The following STRIP2 variants were observed in gnomAD, a reference collection of about 807,000 sequenced individuals.
STRIP2 encodes striatin interacting protein 2.
A neutral mutation model predicts 107.1 loss-of-function variants in STRIP2; 84 were observed. That is an observed-to-expected ratio of 0.78 (90% confidence interval 0.66 to 0.94). STRIP2 has a LOEUF of 0.94. Ranked by LOEUF, STRIP2 falls within the 40% of genes least tolerant of loss-of-function variation. The pLI, the probability that STRIP2 is intolerant of heterozygous loss-of-function variation, is 0.00. For synonymous variants in STRIP2, 394 were observed against 400.4 expected, an observed-to-expected ratio of 0.98 and a Z score of 0.19; for missense variants, 888 against 1,034.2, an observed-to-expected ratio of 0.86 and a Z score of 1.94.
Position 129,470,639 on chromosome 7 carries a change from C to G in STRIP2, c.1878-10C>G. 1 of 1,612,416 alleles carries G rather than the reference C, an allele frequency of 6.2e-7. No individual in the cohort carries two copies. Among genetic ancestry groups the G allele is most frequent in the Non-Finnish European group, 8.5e-7 (1 of 1,178,436 alleles). On this transcript the variant is annotated splice_polypyrimidine_tract_variant and intron_variant, in intron 17 of 20. Coordinates refer to ENST00000249344, the MANE Select transcript of STRIP2 (RefSeq NM_020704.3). ...TACCTAAAGCCTGTCCTTATCTCTG[C>G]ATCTTACAGCATCTCAGTCCTGGAT...
chr7:129,475,597 G>C (rs1462944361), intron 18 of STRIP2, among the ~76,000 whole-genome samples: 1 of 135,360 alleles, frequency 7.4e-6, no homozygotes, highest in African/African-American at 2.9e-5. Context: ...GATCATTCTT[G>C]GGTGTTTCTC....
chr7:129,445,697 C>T lies in STRIP2; in HGVS notation c.274+1599C>T, dbSNP rs1286847665. On this transcript the variant is annotated intron_variant, in intron 3 of 20. Transcript: ENST00000249344. Reference sequence around the variant, plus strand: ...TCAAAAGGCCATTTCACCGTTCTATCAATCCAGCTGCTTCAGGATGATGGG... The same window carrying T: ...TCAAAAGGCCATTTCACCGTTCTATTAATCCAGCTGCTTCAGGATGATGGG... 2.0e-5 allele frequency among the ~76,000 whole-genome samples: 3 copies of T among 152,286 alleles called. No homozygotes were observed. The South Asian group carries it at 6.2e-4, about 32-fold the overall frequency.
chr7:129,468,192 A>G (rs947476798), intron 17 of STRIP2, among the ~76,000 whole-genome samples: 1 of 152,216 alleles, frequency 6.6e-6, no homozygotes, highest in Non-Finnish European at 1.5e-5. Context: ...AAATATGTTA[A>G]TCAGTAGAGT....
intron 3 of STRIP2, among the ~76,000 whole-genome samples, chr7:129,448,085 G>A (rs951121400): frequency 2.0e-5 from 3 of 152,208 alleles, no homozygotes; most frequent in Non-Finnish European, 2.9e-5. Context: ...GGGAGCCACT[G>A]TGGGGGTTCT....
intron 2 of STRIP2, 58 bp downstream of exon 2, chr7:129,440,149 G>C: frequency 2.1e-5 from 28 of 1,364,156 alleles, no homozygotes; most frequent in Non-Finnish European, 2.7e-5. Flanking sequence ...GAGGGAAGGG[G>C]CCTGTGATCT....
chr7:129,457,421 C>T (rs1266154157), intron 9 of STRIP2, among the ~76,000 whole-genome samples: 1 of 152,150 alleles, frequency 6.6e-6, no homozygotes, highest in Non-Finnish European at 1.5e-5. Context: ...CATATGCAGT[C>T]CATTGTTGAC....
Position 129,456,457 on chromosome 7 carries a change from G to A in STRIP2, c.853G>A (p.Glu285Lys). ...TCCTTAGTTTACCCTCGGTGGATTT[G>A]AGCATCTGCAGACTCTCAAAGTACA... ...KVVMFTLGGF[E>K]HLQTLKVQKR... Residue 285 changes from glutamate (E) to lysine (K), a missense_variant, in exon 9 of 21, where the codon GAG becomes AAG. Physicochemically the swap from Glu to Lys is moderately conservative, Grantham distance 56. Transcript: ENST00000249344. 1.2e-6 allele frequency: 2 copies of A among 1,613,632 alleles called. No homozygotes were observed. Among genetic ancestry groups the A allele is most frequent in the South Asian group, 2.2e-5 (2 of 91,030 alleles).
chr7:129,470,783 T>C, intron 18 of STRIP2, 68 bp downstream of exon 18: 3 of 1,341,004 alleles, frequency 2.2e-6, no homozygotes, highest in South Asian at 2.4e-5. Context: ...TGCTCTTTCA[T>C]TTCTTCTCCA....
intron 2 of STRIP2, 57 bp downstream of exon 2, chr7:129,440,148 G>A (rs1797858845): frequency 9.3e-6 from 13 of 1,395,054 alleles, no homozygotes; most frequent in African/African-American, 1.4e-5. Flanking sequence ...AGAGGGAAGG[G>A]GCCTGTGATC....
intron 3 of STRIP2, among the ~76,000 whole-genome samples, chr7:129,449,599 G>A (rs376482045): frequency 6.6e-6 from 1 of 152,150 alleles, no homozygotes; most frequent in East Asian, 1.9e-4. Context: ...GTTCATCAGA[G>A]TTTACAAACT....
In STRIP2 at chr7:129,456,443, C is replaced by T. The variant is rs746153646; in HGVS notation, c.839C>T (p.Thr280Ile). The T allele has an allele frequency of 4.3e-6, 7 of 1,613,800 alleles. No homozygotes were observed. Among genetic ancestry groups the T allele is most frequent in the Non-Finnish European group, 5.9e-6 (7 of 1,179,936 alleles). The change falls in exon 9 of 21, where the codon ACC (threonine) becomes ATC (isoleucine). Residue 280 changes from threonine to isoleucine, a missense_variant. By Grantham distance (89) the Thr-to-Ile change is moderately conservative. Transcript: ENST00000249344. Reference protein sequence around the residue: ...LLLLWKVVMFTLGGFEHLQTL... With the variant: ...LLLLWKVVMFILGGFEHLQTL... ...CCTTTCCTGTTTCTTCCTTAGTTTA[C>T]CCTCGGTGGATTTGAGCATCTGCAG...
intron 16 of STRIP2, among the ~76,000 whole-genome samples, chr7:129,466,255 T>A (rs1410147691): frequency 1.3e-5 from 2 of 152,176 alleles, no homozygotes; most frequent in Non-Finnish European, 2.9e-5. Flanking sequence ...AAAAAAGTTT[T>A]CCATCAGATG....
chr7:129,455,127 T>G (rs1263420520), intron 7 of STRIP2, 117 bp from the exon 8 acceptor site: 1 of 1,273,080 alleles, frequency 7.9e-7, no homozygotes, highest in African/African-American at 1.5e-5. Flanking sequence ...CCAAGTACTC[T>G]GGTATTCTTC....
intron 18 of STRIP2, among the ~76,000 whole-genome samples, chr7:129,472,804 T>TTTTTTTG (rs1562914059): frequency 7.3e-6 from 1 of 136,698 alleles, no homozygotes; most frequent in Non-Finnish European, 1.6e-5. Flanking sequence ...TTTTTTTTTT[T>TTTTTTTG]GAGACAGAGT....
intron 3 of STRIP2, among the ~76,000 whole-genome samples, chr7:129,449,665 G>T (rs1798129852): frequency 6.6e-6 from 1 of 152,112 alleles, no homozygotes; most frequent in Non-Finnish European, 1.5e-5. Context: ...AAGTTTCAGG[G>T]TCCCATTCTT....
At chr7:129,445,381 G>C (rs1000525758) in intron 3 of STRIP2, among the ~76,000 whole-genome samples, 8 of 152,094 alleles carry the variant, frequency 5.3e-5, no homozygotes, top group Admixed American at 5.2e-4. Flanking sequence ...CCAGTTTAAT[G>C]GAATCATTGT....
Position 129,446,929 on chromosome 7 carries a change from C to T in STRIP2, c.274+2831C>T, listed in dbSNP as rs553746877. Among the ~76,000 whole-genome samples the T allele has an allele frequency of 1.2e-3, 188 of 152,316 alleles. 1 individual carries two copies. The highest frequency in any genetic ancestry group is 1.9e-3 in the Non-Finnish European group (128 of 68,018). On this transcript the variant is annotated intron_variant, in intron 3 of 20. Transcript: ENST00000249344. ...GGTGACTTGATGACCCATAGTCAAA[C>T]GTTCAGTTTCCACCAAAGACCAGTA... is the stretch of plus-strand genomic sequence containing the variant.
chr7:129,444,322 C>T (rs186027924), intron 3 of STRIP2, among the ~76,000 whole-genome samples: 2 of 152,136 alleles, frequency 1.3e-5, no homozygotes, highest in Non-Finnish European at 2.9e-5. Flanking sequence ...AGGCTGTCTG[C>T]AAGCTGAGGA....
rs1252779227 is a variant in STRIP2 at position 129,485,871 on chromosome 7, C to T, written c.*42C>T. ...AAGCATCAATAGATAGAGGTCAGCT[C>T]CAATAAACTGTGCTCTGCCTACCCT... On this transcript the variant is annotated 3_prime_UTR_variant, in exon 21 of 21. Coordinates refer to ENST00000249344, the MANE Select transcript of STRIP2 (RefSeq NM_020704.3). 3 of 1,607,984 alleles carry T rather than the reference C, an allele frequency of 1.9e-6. No homozygotes were observed. The highest frequency in any genetic ancestry group is 2.5e-6 in the Non-Finnish European group (3 of 1,177,720).
Sources: gnomAD v4.1 joint callset for allele counts (sites outside exome capture counted in the v4.1 genomes callset) on GRCh38, gnomAD v4.1.1 for gene constraint, MANE v1.5 for transcripts, NCBI Gene and HGNC (gene_info 2026-07-23, HGNC 2026-07-21) for gene names.